The following KIAA0232 variants were observed in gnomAD, a reference collection of about 807,000 sequenced individuals.
KIAA0232 encodes the protein KIAA0232, also known as uncharacterized protein KIAA0232.
Under a neutral mutation model 122.0 loss-of-function variants are expected in KIAA0232, and 27 were observed. The ratio of observed to expected loss-of-function variants is 0.22; its 90% CI spans 0.16 to 0.31. KIAA0232 has a LOEUF of 0.31. Among genes scored for constraint, KIAA0232 ranks in the 10% least tolerant of loss-of-function variants. The probability of loss-of-function intolerance (pLI) is 1.00; values close to 1 mark genes in which losing one functional copy is unlikely to be tolerated. For synonymous variants in KIAA0232, 613 were observed against 587.6 expected (o/e 1.04, Z -0.63); for missense variants, 1,551 against 1,634.2 (o/e 0.95, Z 0.88).
chr4:6,824,741 C>T (rs1718589411), intron 3 of KIAA0232, 57 bp downstream of exon 3: 4 of 1,429,352 alleles, frequency 2.8e-6, no homozygotes, highest in Non-Finnish European at 3.9e-6. Flanking sequence ...TGTATACATT[C>T]CTCTTAAACA....
chr4:6,883,249 C>A lies in KIAA0232; in HGVS notation c.*2283C>A, dbSNP rs1178266272. 1 of 152,614 alleles carries A rather than the reference C, an allele frequency of 6.6e-6. No homozygotes were observed. Among genetic ancestry groups the A allele is most frequent in the Non-Finnish European group, 1.5e-5 (1 of 68,036 alleles). 9.5% of individuals were successfully genotyped at this position (152,614 alleles called of 1,614,324 possible). A position where few individuals can be genotyped will look rare whatever the true frequency, so the allele number is the denominator to read the frequency against. On this transcript the variant is annotated 3_prime_UTR_variant, in exon 10 of 10. Transcript: ENST00000307659. ...TAGCACTGAAGTACCAGTTTCCATT[C>A]CTGGGCTGAGATTGTTTTTCCCGTG...
Position 6,876,676 on chromosome 4 carries a change from C to A in KIAA0232, c.3927C>A (p.Ala1309=). Residue 1309 remains alanine, a synonymous_variant, in exon 9 of 10, where the codon GCC becomes GCA. Transcript: ENST00000307659. ...ATGATTAAGAATGTTACACAAATGC[C>A]AAGGGAGAGAGTGGTTTAGAAGAAT... ...ASECEECYTN[A]KGESGLEEYP... 1 of 1,610,570 alleles carries A rather than the reference C, an allele frequency of 6.2e-7. No individual in the cohort carries two copies. Among genetic ancestry groups the A allele is most frequent in the Non-Finnish European group, 8.5e-7 (1 of 1,176,846 alleles).
rs1720531028 is a variant in KIAA0232 at position 6,855,608 on chromosome 4, G to A, written c.370-1556G>A. Among the ~76,000 whole-genome samples, 1 of 152,006 alleles carries A rather than the reference G, an allele frequency of 6.6e-6. No individual in the cohort carries two copies. The highest frequency in any genetic ancestry group is 6.6e-5 in the Admixed American group (1 of 15,258). ...CTCATATATTAATAAATATATGTGTGTATATGTAATTAATTTCTAAGACAA... is the reference window on the plus strand; with the variant it reads ...CTCATATATTAATAAATATATGTGTATATATGTAATTAATTTCTAAGACAA... On this transcript the variant is annotated intron_variant, in intron 4 of 9. Transcript: ENST00000307659. This position sits in a 1 kb window ranked among gnomAD's most constrained non-coding sequence, Gnocchi z 4.3.
chr4:6,815,959 C>T (rs1718102230), intron 2 of KIAA0232, among the ~76,000 whole-genome samples: 1 of 152,154 alleles, frequency 6.6e-6, no homozygotes, highest in Non-Finnish European at 1.5e-5. Context: ...TGTGAACTCT[C>T]TATCGACAAC....
intron 3 of KIAA0232, among the ~76,000 whole-genome samples, chr4:6,827,779 T>G (rs1718770917): frequency 1.3e-5 from 2 of 152,178 alleles, no homozygotes; most frequent in Admixed American, 1.3e-4. Context: ...ACATTTGTGG[T>G]GGTGGGCTGG....
intron 8 of KIAA0232, among the ~76,000 whole-genome samples, chr4:6,874,074 C>A (rs187301386): frequency 2.0e-5 from 3 of 152,348 alleles, no homozygotes; most frequent in Admixed American, 2.0e-4. Context: ...GGCGAGGAAA[C>A]AGGCTCAGAA....
intron 1 of KIAA0232, among the ~76,000 whole-genome samples, chr4:6,795,156 C>T (rs760117726): frequency 3.9e-5 from 6 of 152,148 alleles, no homozygotes; most frequent in African/African-American, 1.2e-4. Context: ...CTGCAAGCTC[C>T]GCCTTCCGGG....
chr4:6,830,944 T>A (rs182816741), intron 3 of KIAA0232, among the ~76,000 whole-genome samples: 3 of 152,054 alleles, frequency 2.0e-5, no homozygotes, highest in Non-Finnish European at 2.9e-5. Context: ...AAGGGAAATA[T>A]GGAATGAGTA....
At chr4:6,875,227 G>A (rs1721688514) in intron 8 of KIAA0232, among the ~76,000 whole-genome samples, 1 of 152,256 alleles carries the variant, frequency 6.6e-6, no homozygotes, top group Admixed American at 6.5e-5. Context: ...CAATGTGTGT[G>A]CCCGGCACTG....
intron 4 of KIAA0232, among the ~76,000 whole-genome samples, chr4:6,849,950 T>A (rs1560192264): frequency 1.3e-5 from 2 of 152,248 alleles, no homozygotes; most frequent in Non-Finnish European, 2.9e-5. Context: ...TAGAGTGGTT[T>A]ATGAGGACCA....
chr4:6,845,177 C>T (rs1246478580), intron 4 of KIAA0232, among the ~76,000 whole-genome samples: 1 of 152,154 alleles, frequency 6.6e-6, no homozygotes, highest in Non-Finnish European at 1.5e-5. Flanking sequence ...ATTGGCTGGG[C>T]TTGAGCCAGG....
rs1338267807 is a variant in KIAA0232, at chr4:6,883,150, C to T, written c.*2184C>T. The T allele has an allele frequency of 6.6e-6, 1 of 152,592 alleles. No homozygotes were observed. Among genetic ancestry groups the T allele is most frequent in the African/African-American group, 2.4e-5 (1 of 41,448 alleles). 9.5% of individuals were successfully genotyped at this position (152,592 alleles called of 1,614,324 possible). A position where few individuals can be genotyped will look rare whatever the true frequency, so the allele number is the denominator to read the frequency against. ...CTTTTTAGTTTTGTGAATGGATGAT[C>T]ACAAAGAAAAAGCATTTTTAAAAAG... On this transcript the variant is annotated 3_prime_UTR_variant, in exon 10 of 10. Coordinates refer to ENST00000307659, the MANE Select transcript of KIAA0232 (RefSeq NM_014743.3).
At chr4:6,787,368 C>T (rs544932616) in intron 1 of KIAA0232, among the ~76,000 whole-genome samples, 2 of 152,148 alleles carry the variant, frequency 1.3e-5, no homozygotes, top group Admixed American at 1.3e-4. Flanking sequence ...GCTTCTTGGC[C>T]GTGAACAAGT....
chr4:6,816,415 T>C (rs1718129932), intron 2 of KIAA0232, among the ~76,000 whole-genome samples: 1 of 151,940 alleles, frequency 6.6e-6, no homozygotes, highest in Non-Finnish European at 1.5e-5. Flanking sequence ...TCCGAGTAGC[T>C]GGGACTACAA....
chr4:6,843,777 T>G (rs1280476859), intron 4 of KIAA0232, among the ~76,000 whole-genome samples: 1 of 151,404 alleles, frequency 6.6e-6, no homozygotes, highest in Non-Finnish European at 1.5e-5. Flanking sequence ...CTCAAGAAAA[T>G]AAAAAAAGAA....
rs33998599 is a variant in KIAA0232, at chr4:6,878,435, CT to C, written c.4008+1680del. The stretch of plus-strand genomic sequence containing the variant: ...TACATAAATATATACATACATAAAT[CT>C]TGTGTCACATGATAAAGGACAAAAA... On this transcript the variant is annotated intron_variant, in intron 9 of 9. Coordinates refer to ENST00000307659, the MANE Select transcript of KIAA0232 (RefSeq NM_014743.3). Among the ~76,000 whole-genome samples, 614 of 143,112 alleles carry C rather than the reference CT, an allele frequency of 4.3e-3. 4 individuals carry two copies. The highest frequency in any genetic ancestry group is 0.015 in the African/African-American group (575 of 38,190). The allele number at this position is 143,112 out of a possible 152,430, so 93.9% of individuals were successfully genotyped here.
Position 6,863,781 on chromosome 4 carries a change from A to G in KIAA0232, c.3399A>G (p.Ala1133=). The G allele has an allele frequency of 6.2e-7, 1 of 1,614,200 alleles. No individual in the cohort carries two copies. Among genetic ancestry groups the G allele is most frequent in the Non-Finnish European group, 8.5e-7 (1 of 1,180,028 alleles). Residue 1133 remains alanine, a synonymous_variant, in exon 7 of 10, where the codon GCA becomes GCG. Transcript: ENST00000307659. ...AATTTGAATCTGAGAAAGATGAAGCAAATATTCCCATTCCTTCTCAAGTTG... is the reference window on the plus strand; with the variant it reads ...AATTTGAATCTGAGAAAGATGAAGCGAATATTCCCATTCCTTCTCAAGTTG... The part of the protein sequence containing the change: ...ESEFESEKDE[A]NIPIPSQVDI...
At chr4:6,825,130 A>T (rs1718613260) in intron 3 of KIAA0232, among the ~76,000 whole-genome samples, 1 of 152,258 alleles carries the variant, frequency 6.6e-6, no homozygotes, top group African/African-American at 2.4e-5. Flanking sequence ...TCTGCTTATT[A>T]GTCAGTATGT....
At chr4:6,785,150 G>A (rs1039528554) in intron 1 of KIAA0232, among the ~76,000 whole-genome samples, 2 of 152,064 alleles carry the variant, frequency 1.3e-5, no homozygotes, top group South Asian at 2.1e-4. Flanking sequence ...TGTTAGCCAG[G>A]ATGGTCTTTC....
Sources: gnomAD v4.1 joint callset for allele counts (sites outside exome capture counted in the v4.1 genomes callset) on GRCh38, gnomAD v4.1.1 for gene constraint, Gnocchi (gnomAD v3.1) non-coding constraint, MANE v1.5 for transcripts, NCBI Gene and HGNC (gene_info 2026-07-23, HGNC 2026-07-21) for gene names.